MCF2: variants seen among roughly 807,000 people sequenced by gnomAD.
The protein encoded by MCF2 is proto-oncogene DBL.
MCF2 carries 44 observed loss-of-function variants against 82.5 expected under a neutral mutation model. The observed-to-expected ratio is 0.53, with a 90% CI of 0.42 to 0.69. The LOEUF is 0.69. Ranked by LOEUF, MCF2 falls within the 30% of genes least tolerant of loss-of-function variation. MCF2 has a pLI of 0.00. For synonymous variants in MCF2, 217 were observed against 224.9 expected (o/e 0.96, Z 0.32); for missense variants, 623 against 663.1 (o/e 0.94, Z 0.66).
At chrX:139,637,136 T>A (rs1295678908) in intron 1 of MCF2, among the ~76,000 whole-genome samples, 1 of 111,842 alleles carries the variant, frequency 8.9e-6, no homozygotes, top group Non-Finnish European at 1.9e-5. Flanking sequence ...AATTTTATAA[T>A]CTTTTTTGCA....
intron 1 of MCF2, among the ~76,000 whole-genome samples, chrX:139,667,623 G>T (rs1934563551): frequency 1.8e-5 from 2 of 112,048 alleles, no homozygotes; most frequent in African/African-American, 3.2e-5. Flanking sequence ...CTCAGGGGGT[G>T]TGGGCAGGCT....
chrX:139,701,147 A>T (rs1935487684), intron 1 of MCF2, among the ~76,000 whole-genome samples: 1 of 111,668 alleles, frequency 9.0e-6, no homozygotes, highest in South Asian at 3.8e-4. Flanking sequence ...GTTTCCCATT[A>T]TAAGATTCTA....
chrX:139,621,908 A>G lies in MCF2; in HGVS notation c.688-2202T>C, dbSNP rs1387003690. On this transcript the variant is annotated intron_variant, in intron 6 of 24. Coordinates refer to ENST00000370576, the Ensembl canonical transcript of MCF2. ...TCTAATTAAACTAAAGAGCTTCTGC[A>G]CAGCAAAAGAAACTATCATCAGAGT... Among the ~76,000 whole-genome samples the G allele has an allele frequency of 2.9e-3, 326 of 111,476 alleles. 2 individuals carry two copies. The highest frequency in any genetic ancestry group is 0.01 in the African/African-American group (317 of 30,623).
chrX:139,594,621 T>C (rs1180910775), intron 19 of MCF2, among the ~76,000 whole-genome samples: 4 of 111,149 alleles, frequency 3.6e-5, no homozygotes, highest in African/African-American at 3.3e-5. Flanking sequence ...ACTATAAAAA[T>C]CCTAGAAGAA....
At chrX:139,663,078 T>C (rs1467336694) in intron 1 of MCF2, among the ~76,000 whole-genome samples, 2 of 112,476 alleles carry the variant, frequency 1.8e-5, no homozygotes, top group South Asian at 3.6e-4. Context: ...TATTTTTCTA[T>C]CGTGAATAAT....
chrX:139,642,367 TA>T, intron 1 of MCF2: 1 of 1,100,530 alleles, frequency 9.1e-7, no homozygotes, highest in Non-Finnish European at 1.3e-6. Flanking sequence ...CATCTGTCCT[TA>T]AAAACCCTAC....
In MCF2 at chrX:139,636,903, G is replaced by T. The variant is rs113829847; in HGVS notation, c.52-4449C>A. On this transcript the variant is annotated intron_variant, in intron 1 of 24. Coordinates refer to ENST00000370576, the Ensembl canonical transcript of MCF2. The stretch of plus-strand genomic sequence containing the variant: ...GACGGCTATATAAGTTGCTTCTAAA[G>T]ATAATTCTATATGCTAATCAGTTCA... 9.1e-3 allele frequency among the ~76,000 whole-genome samples: 1,012 copies of T among 111,541 alleles called. 14 individuals carry two copies. Among genetic ancestry groups the T allele is most frequent in the African/African-American group, 0.029 (902 of 30,728 alleles).
chrX:139,610,429 G>T, intron 10 of MCF2, 91 bp from the exon 15 acceptor site: 1 of 509,339 alleles, frequency 2.0e-6, no homozygotes, highest in Non-Finnish European at 3.1e-6. Flanking sequence ...AATAACTTGA[G>T]TTAATATTCC....
intron 1 of MCF2, among the ~76,000 whole-genome samples, chrX:139,667,805 A>G (rs1045044187): frequency 9.9e-5 from 11 of 111,428 alleles, no homozygotes; most frequent in African/African-American, 3.6e-4. Context: ...GTGGGTGGTG[A>G]GCACATGTAA....
intron 1 of MCF2, among the ~76,000 whole-genome samples, chrX:139,673,782 T>C (rs755379199): frequency 1.2e-4 from 14 of 112,057 alleles, no homozygotes; most frequent in African/African-American, 3.9e-4. Flanking sequence ...CTGTGAAGAA[T>C]GTATATTCTG....
chrX:139,659,231 G>C (rs1185236157), intron 1 of MCF2, among the ~76,000 whole-genome samples: 1 of 110,097 alleles, frequency 9.1e-6, no homozygotes, highest in African/African-American at 3.3e-5. Flanking sequence ...AGGTTGCAGT[G>C]AGGTGAGATC....
At chrX:139,611,759 A>G (rs773673660) in intron 10 of MCF2, among the ~76,000 whole-genome samples, 7 of 111,425 alleles carry the variant, frequency 6.3e-5, no homozygotes, top group South Asian at 3.8e-4. Flanking sequence ...ATTTGGGGGT[A>G]CTTGTTATCA....
chrX:139,613,045 A>G (rs1931618036), intron 10 of MCF2, among the ~76,000 whole-genome samples, 171 bp downstream of exon 14: 1 of 111,957 alleles, frequency 8.9e-6, no homozygotes, highest in African/African-American at 3.2e-5. Context: ...TTCCAACATA[A>G]GCATAATACA....
At position 139,586,346 on chromosome X, in the gene MCF2, G is replaced by A. The variant is rs374136350; in HGVS notation, c.2632+32C>T. 18 of 1,061,630 alleles carry A rather than the reference G, an allele frequency of 1.7e-5. No homozygotes were observed. The African/African-American group carries it at 3.1e-4, about 19-fold the overall frequency. 87.5% of individuals were successfully genotyped at this position (1,061,630 alleles called of 1,213,427 possible). ...ACGAGGTAAAAATTTGCACACCCAT[G>A]AGTCTCGTCTTAAGATGACCATGAC... On this transcript the variant is annotated intron_variant, in intron 23 of 24. Coordinates refer to ENST00000370576, the Ensembl canonical transcript of MCF2.
chrX:139,643,718 C>T (rs1286576752), upstream of MCF2, among the ~76,000 whole-genome samples: 2 of 110,334 alleles, frequency 1.8e-5, no homozygotes, highest in Non-Finnish European at 3.8e-5. Context: ...TATCACTCCC[C>T]GGTAGACAAG....
intron 18 of MCF2, 50 bp downstream of exon 22, chrX:139,597,410 G>T: frequency 9.9e-7 from 1 of 1,012,157 alleles, no homozygotes; most frequent in Non-Finnish European, 1.4e-6. Context: ...GAAAAGGGAT[G>T]TTGAGATGCC....
intron 1 of MCF2, among the ~76,000 whole-genome samples, chrX:139,682,741 G>A (rs1252835175): frequency 8.9e-6 from 1 of 111,864 alleles, no homozygotes; most frequent in African/African-American, 3.3e-5. Context: ...TCCCACCCCA[G>A]TCCTACACAG....
At chrX:139,583,064 C>A (rs757632218) in intron 24 of MCF2, among the ~76,000 whole-genome samples, 8 of 111,782 alleles carry the variant, frequency 7.2e-5, no homozygotes, top group Non-Finnish European at 1.5e-4. Flanking sequence ...GCCTTTTTCA[C>A]TCTCATCCTC....
exon 5 of MCF2, chrX:139,626,685 T>C: frequency 8.3e-7 from 1 of 1,204,454 alleles, no homozygotes; most frequent in Non-Finnish European, 1.1e-6. Context: ...AACTGACAGC[T>C]CCTTCAGTGT....
Sources: allele counts gnomAD v4.1 joint callset (sites outside exome capture counted in the v4.1 genomes callset), GRCh38; gene constraint gnomAD v4.1.1; transcripts MANE v1.5; gene names NCBI Gene and HGNC (gene_info 2026-07-23, HGNC 2026-07-21).